Variants in CFTR observed in about 807,000 individuals in gnomAD.
CFTR encodes cystic fibrosis transmembrane conductance regulator.
A neutral mutation model predicts 171.6 loss-of-function variants in CFTR; 181 were observed. The observed-to-expected ratio is 1.05, with a 90% CI of 0.93 to 1.19. CFTR has a LOEUF of 1.19. Among genes scored for constraint, CFTR ranks in the 50% most tolerant of loss-of-function variants. CFTR has a pLI of 0.00. For missense variants in CFTR, 1,968 were observed against 1,734.7 expected (o/e 1.13, Z -2.39); for synonymous variants, 583 against 608.0 (o/e 0.96, Z 0.60).
rs1793339514 is a variant in CFTR at position 117,664,699 on chromosome 7, A to T, written c.3975A>T (p.Arg1325Ser). ...IWKVADEVGL[R>S]SVIEQFPGKL... is the part of the protein sequence containing the mutation. ...TTCTCTAACTGCAGGTTGGGCTCAGATCTGTGATAGAACAGTTTCCTGGGA... is the reference window on the plus strand; with the variant it reads ...TTCTCTAACTGCAGGTTGGGCTCAGTTCTGTGATAGAACAGTTTCCTGGGA... Residue 1325 changes from arginine to serine, a missense_variant, in exon 25 of 27, where the codon AGA (arginine) becomes AGT (serine). Coordinates refer to ENST00000003084, the MANE Select transcript of CFTR (RefSeq NM_000492.4). 4 of 1,613,918 alleles carry T rather than the reference A, an allele frequency of 2.5e-6. No homozygotes were observed. In the East Asian group the frequency reaches 8.9e-5, roughly 36 times the overall value.
intron 21 of CFTR, among the ~76,000 whole-genome samples, chr7:117,620,540 A>G (rs1792558588): frequency 6.6e-6 from 1 of 152,194 alleles, no homozygotes; most frequent in Non-Finnish European, 1.5e-5. Context: ...TGATCAAAGA[A>G]CTCTGAACCA....
At chr7:117,498,064 G>A (rs556848048) in intron 1 of CFTR, among the ~76,000 whole-genome samples, 6 of 152,206 alleles carry the variant, frequency 3.9e-5, no homozygotes, top group African/African-American at 1.4e-4. Context: ...CATTAGGTAC[G>A]AAGTTAGCAA....
chr7:117,635,029 T>C (rs1036115481), intron 22 of CFTR, among the ~76,000 whole-genome samples: 5 of 152,164 alleles, frequency 3.3e-5, no homozygotes, highest in African/African-American at 4.8e-5. Flanking sequence ...GCTAGATCTG[T>C]CCATTCTTTG....
At chr7:117,659,244 G>A (rs912821718) in intron 24 of CFTR, among the ~76,000 whole-genome samples, 5 of 151,942 alleles carry the variant, frequency 3.3e-5, no homozygotes, top group African/African-American at 9.7e-5. Flanking sequence ...TCCAGGTCTC[G>A]GTTTCCTAGG....
intron 11 of CFTR, among the ~76,000 whole-genome samples, chr7:117,581,247 A>C (rs750193079): frequency 7.9e-5 from 12 of 152,170 alleles, no homozygotes; most frequent in Non-Finnish European, 1.6e-4. Flanking sequence ...CTTCAACAAT[A>C]GTACATCTGG....
At chr7:117,547,239 CT>C (rs2115897648) in intron 9 of CFTR, among the ~76,000 whole-genome samples, 1 of 152,290 alleles carries the variant, frequency 6.6e-6, no homozygotes, top group African/African-American at 2.4e-5. Context: ...CCCTGACACA[CT>C]TTTAAGTTAA....
chr7:117,664,892 A>G (rs1221122448), intron 25 of CFTR, 32 bp downstream of exon 25: 1 of 1,603,186 alleles, frequency 6.2e-7, no homozygotes, highest in East Asian at 2.2e-5. Flanking sequence ...ACTTAATAGC[A>G]CAGTGGGAAC....
chr7:117,632,587 A>C (rs1792765273), intron 22 of CFTR, among the ~76,000 whole-genome samples: 1 of 150,074 alleles, frequency 6.7e-6, no homozygotes, highest in Admixed American at 6.7e-5. Context: ...AAAAAGAAAA[A>C]AGAAAGGAAA....
chr7:117,656,115 T>C lies in CFTR; in HGVS notation c.3963+3184T>C, dbSNP rs144009123. 1.4e-3 allele frequency among the ~76,000 whole-genome samples: 215 copies of C among 152,242 alleles called. 1 individual carries two copies. Among genetic ancestry groups the C allele is most frequent in the African/African-American group, 3.9e-3 (164 of 41,554 alleles). ...TTTGTCCTTTCCTAATCAATTTGCG[T>C]CAATGAAACATGAATTAGAAGAGAC... On this transcript the variant is annotated intron_variant, in intron 24 of 26. Coordinates refer to ENST00000003084, the MANE Select transcript of CFTR (RefSeq NM_000492.4).
intron 1 of CFTR, among the ~76,000 whole-genome samples, chr7:117,493,233 G>T (rs1051762385): frequency 6.6e-6 from 1 of 151,980 alleles, no homozygotes; most frequent in African/African-American, 2.4e-5. Flanking sequence ...TGAACATTTT[G>T]AATTCTTAAA....
At chr7:117,539,575 T>C (rs1055914026) in intron 7 of CFTR, among the ~76,000 whole-genome samples, 2 of 152,108 alleles carry the variant, frequency 1.3e-5, no homozygotes, top group African/African-American at 4.8e-5. Flanking sequence ...CTGTAGCTTA[T>C]ATGTTATTTT....
intron 7 of CFTR, among the ~76,000 whole-genome samples, chr7:117,538,592 TTTC>T (rs1237937151): frequency 6.6e-6 from 1 of 152,226 alleles, no homozygotes; most frequent in Non-Finnish European, 1.5e-5. Context: ...TGTTATTCCT[TTTC>T]TTGTTGAGGA....
intron 8 of CFTR, 124 bp downstream of exon 8, chr7:117,540,470 A>G (rs764680357): frequency 1.7e-5 from 15 of 877,264 alleles, no homozygotes; most frequent in East Asian, 7.7e-5. Context: ...CTAGGAAGTT[A>G]TAAAAGTTGC....
At chr7:117,521,303 G>C (rs554938179) in intron 3 of CFTR, among the ~76,000 whole-genome samples, 1 of 151,892 alleles carries the variant, frequency 6.6e-6, no homozygotes, top group South Asian at 2.1e-4. Context: ...TTTTCTTGTT[G>C]AGTTGTATTA....
In CFTR at chr7:117,592,225, T is replaced by C. The variant is rs1470966740; in HGVS notation, c.2058T>C (p.Ser686=). The C allele has an allele frequency of 1.2e-6, 2 of 1,613,696 alleles. No homozygotes were observed. The highest frequency in any genetic ancestry group is 2.7e-5 in the African/African-American group (2 of 74,922). The change falls in exon 14 of 27, where the codon TCT becomes TCC. Residue 686 remains serine, a synonymous_variant. Coordinates refer to ENST00000003084, the MANE Select transcript of CFTR (RefSeq NM_000492.4). The part of the protein sequence containing the change: ...PVSWTETKKQ[S]FKQTGEFGEK... ...CCTGGACAGAAACAAAAAAACAATC[T>C]TTTAAACAGACTGGAGAGTTTGGGG...
chr7:117,578,287 A>G (rs1206340309), intron 11 of CFTR, among the ~76,000 whole-genome samples: 1 of 152,012 alleles, frequency 6.6e-6, no homozygotes, highest in Non-Finnish European at 1.5e-5. Flanking sequence ...ATGAGGACGA[A>G]GACCTTTATG....
In CFTR at chr7:117,582,535, C is replaced by T. The variant is rs1487519423; in HGVS notation, c.1585-5204C>T. Among the ~76,000 whole-genome samples, 34 of 152,100 alleles carry T rather than the reference C, an allele frequency of 2.2e-4. 1 individual carries two copies. Among genetic ancestry groups the T allele is most frequent in the Non-Finnish European group, 1.5e-5 (1 of 68,020 alleles). On this transcript the variant is annotated intron_variant, in intron 11 of 26. Transcript: ENST00000003084. Reference sequence around the variant, plus strand: ...AGGTTTCACCCTGAGGAATCCCATTCCCTCTAATCTGGGACAAGGGGGAGG... The same window carrying T: ...AGGTTTCACCCTGAGGAATCCCATTTCCTCTAATCTGGGACAAGGGGGAGG...
intron 3 of CFTR, among the ~76,000 whole-genome samples, chr7:117,511,806 T>A (rs746410828): frequency 1.3e-4 from 20 of 152,208 alleles, no homozygotes; most frequent in Non-Finnish European, 2.8e-4. Context: ...TGCAGTTTTT[T>A]CAGGATATCT....
intron 3 of CFTR, among the ~76,000 whole-genome samples, chr7:117,514,012 T>C (rs1798561758): frequency 1.3e-5 from 2 of 152,130 alleles, no homozygotes; most frequent in African/African-American, 2.4e-5. Flanking sequence ...TGGGACACTA[T>C]CATTCTTGAA....
Sources: gnomAD v4.1 joint callset for allele counts (sites outside exome capture counted in the v4.1 genomes callset) on GRCh38, gnomAD v4.1.1 for gene constraint, MANE v1.5 for transcripts, NCBI Gene and HGNC (gene_info 2026-07-23, HGNC 2026-07-21) for gene names.